The following POMK variants were observed in gnomAD, a reference collection of about 807,000 sequenced individuals.
The protein encoded by POMK is Sugen kinase 196.
Under a neutral mutation model 23.0 loss-of-function variants are expected in POMK, and 19 were observed. The ratio of observed to expected loss-of-function variants is 0.83; its 90% CI spans 0.58 to 1.21. The LOEUF (loss-of-function observed/expected upper bound fraction) is 1.21. POMK is among the 50% of genes most tolerant of loss of function. The pLI is 0.00. For missense variants in POMK, 410 were observed against 431.3 expected (o/e 0.95, Z 0.44); for synonymous variants, 173 against 171.6 (o/e 1.01, Z -0.06).
intron 4 of POMK, among the ~76,000 whole-genome samples, chr8:43,107,563 CAG>C (rs1251733862): frequency 6.6e-6 from 1 of 151,824 alleles, no homozygotes; most frequent in Non-Finnish European, 1.5e-5. Flanking sequence ...TTAGTAGAGA[CAG>C]GGTTTCACCA....
intron 4 of POMK, among the ~76,000 whole-genome samples, chr8:43,108,032 CTG>C (rs1337467397): frequency 6.6e-6 from 1 of 152,224 alleles, no homozygotes; most frequent in African/African-American, 2.4e-5. Context: ...TGATGGAACT[CTG>C]TTCCATAAGG....
At position 43,115,787 on chromosome 8, in the gene POMK, C is replaced by T. The variant is rs187217458; in HGVS notation, c.283-6320C>T. Among the ~76,000 whole-genome samples, 370 of 152,348 alleles carry T rather than the reference C, an allele frequency of 2.4e-3. 3 individuals are homozygous for T. Among genetic ancestry groups the T allele is most frequent in the African/African-American group, 8.4e-3 (351 of 41,578 alleles). ...ATCCTTTGGTGCTCTCTGTCTCATT[C>T]TGAGTAAAAGAGCCCTTGCAACGAC... On this transcript the variant is annotated intron_variant, in intron 4 of 4. Transcript: ENST00000331373.
In POMK at chr8:43,122,940, T is replaced by C; in HGVS notation, c.*63T>C. The stretch of plus-strand genomic sequence containing the variant: ...GAATGGAAGTTACAGCATTCTACTC[T>C]GATGGTGGAGTTTTTTGCCTGAGTT... On this transcript the variant is annotated 3_prime_UTR_variant, in exon 5 of 5. Coordinates refer to ENST00000331373, the MANE Select transcript of POMK (RefSeq NM_032237.5). 11 of 1,440,848 alleles carry C rather than the reference T, an allele frequency of 7.6e-6. No individual in the cohort carries two copies. The highest frequency in any genetic ancestry group is 2.2e-5 in the Admixed American group (1 of 45,292). The allele number at this position is 1,440,848 out of a possible 1,614,324, so 89.3% of individuals were successfully genotyped here. A position where few individuals can be genotyped will look rare whatever the true frequency, so the allele number is the denominator to read the frequency against.
chr8:43,099,568 G>A (rs1811397464), intron 2 of POMK, among the ~76,000 whole-genome samples: 1 of 152,220 alleles, frequency 6.6e-6, no homozygotes, highest in Non-Finnish European at 1.5e-5. Context: ...ATCAATCACG[G>A]TAGATGCTAT....
At chr8:43,115,841 T>A (rs1456919337) in intron 4 of POMK, among the ~76,000 whole-genome samples, 1 of 152,208 alleles carries the variant, frequency 6.6e-6, no homozygotes, top group Non-Finnish European at 1.5e-5. Flanking sequence ...ACAGCCTCCC[T>A]CCAGCTCTCT....
intron 4 of POMK, among the ~76,000 whole-genome samples, chr8:43,107,203 C>G (rs1186037448): frequency 6.6e-6 from 1 of 151,362 alleles, no homozygotes; most frequent in African/African-American, 2.4e-5. Flanking sequence ...AGGATTTAGT[C>G]TAAATTGAAG....
At chr8:43,095,979 G>C (rs1216601026) in intron 1 of POMK, among the ~76,000 whole-genome samples, 5 of 152,214 alleles carry the variant, frequency 3.3e-5, no homozygotes, top group African/African-American at 9.6e-5. Flanking sequence ...AGGAGAGGAA[G>C]AGCGGATTCC....
chr8:43,114,298 G>A (rs920383519), intron 4 of POMK, among the ~76,000 whole-genome samples: 6 of 152,204 alleles, frequency 3.9e-5, no homozygotes, highest in Non-Finnish European at 7.3e-5. Context: ...GTTTACCTAA[G>A]CAAGCCTGAG....
At chr8:43,115,772 G>A (rs1586677737) in intron 4 of POMK, among the ~76,000 whole-genome samples, 1 of 152,178 alleles carries the variant, frequency 6.6e-6, no homozygotes, top group Non-Finnish European at 1.5e-5. Flanking sequence ...ATCCTTTGGT[G>A]CTCTCTGTCT....
chr8:43,105,432 T>C (rs1563337578), intron 4 of POMK, among the ~76,000 whole-genome samples: 1 of 152,352 alleles, frequency 6.6e-6, no homozygotes, highest in African/African-American at 2.4e-5. Context: ...GAACTTGTAG[T>C]GTTTAACTTT....
chr8:43,097,172 T>C (rs575619640), intron 1 of POMK, among the ~76,000 whole-genome samples: 4 of 152,342 alleles, frequency 2.6e-5, no homozygotes, highest in African/African-American at 4.8e-5. Context: ...TTTCAGACTT[T>C]AGCATGCATC....
At chr8:43,100,420 G>C (rs1416772762) in intron 2 of POMK, among the ~76,000 whole-genome samples, 1 of 151,976 alleles carries the variant, frequency 6.6e-6, no homozygotes, top group Non-Finnish European at 1.5e-5. Flanking sequence ...GTGTGCTAAT[G>C]GGGGATAGTG....
chr8:43,098,992 G>A (rs772495847), intron 2 of POMK, among the ~76,000 whole-genome samples: 2 of 152,170 alleles, frequency 1.3e-5, no homozygotes, highest in Non-Finnish European at 2.9e-5. Context: ...TGTCACTCAG[G>A]CTGGAGTGTT....
chr8:43,122,283 T>C lies in POMK; in HGVS notation c.459T>C (p.Pro153=). The C allele has an allele frequency of 6.2e-7, 1 of 1,614,188 alleles. No individual in the cohort carries two copies. Among genetic ancestry groups the C allele is most frequent in the Non-Finnish European group, 8.5e-7 (1 of 1,180,024 alleles). The change falls in exon 5 of 5, where the codon CCT becomes CCC. Residue 153 remains proline, a synonymous_variant. Transcript: ENST00000331373. ...DDNTMLTEYH[P]LGSLSNLEET... is the part of the protein sequence containing the mutation. The stretch of plus-strand genomic sequence containing the variant: ...ACACTATGCTTACTGAATATCACCC[T>C]CTAGGTTCCTTGAGTAACCTGGAAG...
At position 43,122,409 on chromosome 8, in the gene POMK, C is replaced by G; in HGVS notation, c.585C>G (p.Ser195Arg). 1 of 1,614,172 alleles carries G rather than the reference C, an allele frequency of 6.2e-7. No individual in the cohort carries two copies. Among genetic ancestry groups the G allele is most frequent in the Non-Finnish European group, 8.5e-7 (1 of 1,180,002 alleles). The stretch of plus-strand genomic sequence containing the variant: ...GCATCATTAATTACCTGCACCACAG[C>G]CCTGTGGGCACACGGGTCATGTGCG... ...YVSIINYLHH[S>R]PVGTRVMCDS... Residue 195 changes from serine (S) to arginine (R), a missense_variant, in exon 5 of 5, where the codon AGC becomes AGG. Ser to Arg is a moderately radical substitution (Grantham distance 110). Coordinates refer to ENST00000331373, the MANE Select transcript of POMK (RefSeq NM_032237.5).
chr8:43,121,337 C>T (rs1190413227), intron 4 of POMK, among the ~76,000 whole-genome samples: 2 of 152,174 alleles, frequency 1.3e-5, no homozygotes, highest in Admixed American at 1.3e-4. Context: ...CCTTTAATTA[C>T]AGTGCTTCCT....
At chr8:43,113,244 A>T (rs1276151686) in intron 4 of POMK, among the ~76,000 whole-genome samples, 3 of 152,218 alleles carry the variant, frequency 2.0e-5, no homozygotes, top group Non-Finnish European at 4.4e-5. Flanking sequence ...ACTTTCAGGT[A>T]CACCAATCAG....
At chr8:43,109,220 T>A (rs1185059236) in intron 4 of POMK, among the ~76,000 whole-genome samples, 4 of 152,178 alleles carry the variant, frequency 2.6e-5, no homozygotes, top group Non-Finnish European at 5.9e-5. Context: ...AGTCATTCAT[T>A]TAGCCAAAGT....
intron 3 of POMK, among the ~76,000 whole-genome samples, chr8:43,103,018 C>T (rs978411540): frequency 1.3e-5 from 2 of 152,210 alleles, no homozygotes; most frequent in Non-Finnish European, 2.9e-5. Context: ...TTCATAACTG[C>T]TGAAGAGTAG....
Sources: gnomAD v4.1 joint callset for allele counts (sites outside exome capture counted in the v4.1 genomes callset) on GRCh38, gnomAD v4.1.1 for gene constraint, MANE v1.5 for transcripts, NCBI Gene and HGNC (gene_info 2026-07-23, HGNC 2026-07-21) for gene names.